The following PCMTD1 variants were observed in gnomAD, a reference collection of about 807,000 sequenced individuals.
The protein encoded by PCMTD1 is protein-L-isoaspartate O-methyltransferase domain-containing protein 1.
PCMTD1 carries 12 observed loss-of-function variants against 37.6 expected under a neutral mutation model. The ratio of observed to expected loss-of-function variants is 0.32; its 90% CI spans 0.20 to 0.52. The LOEUF is 0.52. Among genes scored for constraint, PCMTD1 ranks in the 20% least tolerant of loss-of-function variants. The probability of loss-of-function intolerance (pLI) is 0.97; values close to 1 mark genes in which losing one functional copy is unlikely to be tolerated. For missense variants in PCMTD1, 235 were observed against 421.3 expected (o/e 0.56, Z 3.87); for synonymous variants, 117 against 135.8 (o/e 0.86, Z 0.96).
At chr8:51,898,510 C>T (rs970304795) in intron 1 of PCMTD1, among the ~76,000 whole-genome samples, 3 of 152,274 alleles carry the variant, frequency 2.0e-5, no homozygotes, top group African/African-American at 7.2e-5. Flanking sequence ...CCAAAACGGC[C>T]CTAAGGGGCC....
chr8:51,875,589 C>G (rs1400741572), intron 1 of PCMTD1, among the ~76,000 whole-genome samples: 1 of 152,162 alleles, frequency 6.6e-6, no homozygotes. Context: ...AAGTCATAGT[C>G]TAACAGAAAG....
At chr8:51,894,678 T>A (rs184135580) in intron 1 of PCMTD1, among the ~76,000 whole-genome samples, 1 of 152,102 alleles carries the variant, frequency 6.6e-6, no homozygotes, top group Non-Finnish European at 1.5e-5. Flanking sequence ...TAATAAGCAG[T>A]ATTCACAATG....
In PCMTD1 at chr8:51,898,956, C is replaced by G. The variant is rs1405273865; in HGVS notation, c.-122G>C. ...TGTGGCGCGGGCAGCGGCGCGCAGG[C>G]CAGGCGCTAGGACTCGGCGGGGTCC... On this transcript the variant is annotated 5_prime_UTR_variant, in exon 1 of 6. Transcript: ENST00000522514. 6 of 1,468,392 alleles carry G rather than the reference C, an allele frequency of 4.1e-6. No individual in the cohort carries two copies. The East Asian group carries it at 1.5e-4, about 36-fold the overall frequency. The allele number at this position is 1,468,392 out of a possible 1,614,324, so 91.0% of individuals were successfully genotyped here. A position where few individuals can be genotyped will look rare whatever the true frequency, so the allele number is the denominator to read the frequency against.
At chr8:51,871,536 T>C (rs1184090898) in intron 1 of PCMTD1, among the ~76,000 whole-genome samples, 1 of 152,206 alleles carries the variant, frequency 6.6e-6, no homozygotes, top group Non-Finnish European at 1.5e-5. Flanking sequence ...GGCTAATACT[T>C]TTTCCTCTAA....
At chr8:51,883,075 T>C (rs2038815166) in intron 1 of PCMTD1, among the ~76,000 whole-genome samples, 1 of 151,410 alleles carries the variant, frequency 6.6e-6, no homozygotes, top group Non-Finnish European at 1.5e-5. Flanking sequence ...AGGCAGAGCT[T>C]GCAGTGAGCT....
At chr8:51,842,917 C>G (rs2038168022) in intron 3 of PCMTD1, among the ~76,000 whole-genome samples, 2 of 152,206 alleles carry the variant, frequency 1.3e-5, no homozygotes, top group East Asian at 3.9e-4. Context: ...AAGGAATATA[C>G]AAATGGCAAT....
At chr8:51,884,646 G>GCAAT (rs2038839293) in intron 1 of PCMTD1, among the ~76,000 whole-genome samples, 1 of 152,228 alleles carries the variant, frequency 6.6e-6, no homozygotes, top group Non-Finnish European at 1.5e-5. Context: ...CCGGCCTGGT[G>GCAAT]CAATGCTTGG....
At chr8:51,842,848 A>T (rs1035560543) in intron 3 of PCMTD1, among the ~76,000 whole-genome samples, 2 of 152,288 alleles carry the variant, frequency 1.3e-5, no homozygotes, top group Non-Finnish European at 2.9e-5. Context: ...CTGGAAGAAT[A>T]TTAGGTTTCA....
At chr8:51,823,947 A>G (rs2037884424) in intron 5 of PCMTD1, among the ~76,000 whole-genome samples, 1 of 152,220 alleles carries the variant, frequency 6.6e-6, no homozygotes, top group South Asian at 2.1e-4. Context: ...ACAAAAAACC[A>G]TATGACTATC....
chr8:51,899,132 A>G (rs1165004953), upstream of PCMTD1: 2 of 1,393,150 alleles, frequency 1.4e-6, no homozygotes, highest in South Asian at 1.5e-5. Context: ...CCACGGGCAC[A>G]GGGGCAGCTC....
chr8:51,856,135 CTT>C (rs2038385210), intron 2 of PCMTD1, among the ~76,000 whole-genome samples: 1 of 152,094 alleles, frequency 6.6e-6, no homozygotes, highest in Non-Finnish European at 1.5e-5. Flanking sequence ...GTGATAAAGA[CTT>C]ATATCCAAAA....
chr8:51,889,452 G>A (rs1446999826), intron 1 of PCMTD1, among the ~76,000 whole-genome samples: 1 of 152,122 alleles, frequency 6.6e-6, no homozygotes, highest in African/African-American at 2.4e-5. Context: ...ACTTCCTTAA[G>A]CTTTTACAGC....
rs1424778263 is a variant in PCMTD1, at chr8:51,818,374, C to T, written c.*1977G>A. Reference sequence around the variant, plus strand: ...TATCCTTAACAAAAACTCTCTCCTGCATAGTAAAAGCATCATCTAAACAGC... The same window carrying T: ...TATCCTTAACAAAAACTCTCTCCTGTATAGTAAAAGCATCATCTAAACAGC... On this transcript the variant is annotated 3_prime_UTR_variant, in exon 6 of 6. Transcript: ENST00000522514. 7.1e-6 allele frequency: 1 copy of T among 140,062 alleles called. No homozygotes were observed. Among genetic ancestry groups the T allele is most frequent in the Non-Finnish European group, 1.4e-5 (1 of 69,540 alleles). The allele number at this position is 140,062 out of a possible 1,614,324, so 8.7% of individuals were successfully genotyped here. A position where few individuals can be genotyped will look rare whatever the true frequency, so the allele number is the denominator to read the frequency against.
At position 51,840,573 on chromosome 8, in the gene PCMTD1, A is replaced by AATT. The variant is rs569551444; in HGVS notation, c.410+5085_410+5087dup. On this transcript the variant is annotated intron_variant, in intron 3 of 5. Coordinates refer to ENST00000522514, the MANE Select transcript of PCMTD1 (RefSeq NM_052937.4). ...TTGGAATAATATTGAATATATAATG[A>AATT]ATTATATATAGGAAAACTCCTTTAA... is the stretch of plus-strand genomic sequence containing the variant. Among the ~76,000 whole-genome samples the AATT allele has an allele frequency of 2.2e-4, 33 of 152,282 alleles. 1 individual carries two copies. The South Asian group carries it at 6.8e-3, about 32-fold the overall frequency.
chr8:51,885,358 A>C (rs969500899), intron 1 of PCMTD1, among the ~76,000 whole-genome samples: 1 of 152,188 alleles, frequency 6.6e-6, no homozygotes, highest in Non-Finnish European at 1.5e-5. Context: ...AGAGAGGGGA[A>C]GTTAGACGCC....
chr8:51,820,718 G>A lies in PCMTD1; in HGVS notation c.707C>T (p.Pro236Leu). Reference sequence around the variant, plus strand: ...CTGTAGATTCCTGACAGCACAGGGAGCTAAAAACAAACATAAAACGCAAGA... The same window carrying A: ...CTGTAGATTCCTGACAGCACAGGGAACTAAAAACAAACATAAAACGCAAGA... ...DNGKPDSVGL[P>L]PCAVRNLQDL... The change falls in exon 6 of 6, where the codon CCT (proline) becomes CTT (leucine). Residue 236 changes from proline (P) to leucine (L), a missense_variant and splice_region_variant. Transcript: ENST00000522514. 1 of 1,584,764 alleles carries A rather than the reference G, an allele frequency of 6.3e-7. No individual in the cohort carries two copies. The highest frequency in any genetic ancestry group is 8.5e-7 in the Non-Finnish European group (1 of 1,170,134).
intron 1 of PCMTD1, among the ~76,000 whole-genome samples, chr8:51,883,315 A>C (rs369250239): frequency 6.6e-6 from 1 of 152,210 alleles, no homozygotes; most frequent in Non-Finnish European, 1.5e-5. Flanking sequence ...TTAAGTAGCA[A>C]AGACTGTAGT....
chr8:51,853,690 AAG>A (rs2038341859), intron 2 of PCMTD1, among the ~76,000 whole-genome samples: 1 of 152,236 alleles, frequency 6.6e-6, no homozygotes, highest in Non-Finnish European at 1.5e-5. Context: ...TATTTTACAA[AAG>A]AGAAAATAAA....
At chr8:51,856,635 G>A (rs960896208) in intron 2 of PCMTD1, among the ~76,000 whole-genome samples, 14 of 152,136 alleles carry the variant, frequency 9.2e-5, no homozygotes, top group African/African-American at 2.9e-4. Context: ...TAAACAAAAC[G>A]TAGTGTATAT....
Sources: allele counts gnomAD v4.1 joint callset (sites outside exome capture counted in the v4.1 genomes callset), GRCh38; gene constraint gnomAD v4.1.1; transcripts MANE v1.5; gene names NCBI Gene and HGNC (gene_info 2026-07-23, HGNC 2026-07-21).